COL12A1: variants seen among roughly 807,000 people sequenced by gnomAD.
COL12A1 encodes collagen alpha-1(XII) chain.
A neutral mutation model predicts 349.7 loss-of-function variants in COL12A1; 114 were observed. The observed-to-expected ratio is 0.33, with a 90% CI of 0.28 to 0.38. The LOEUF (loss-of-function observed/expected upper bound fraction) is 0.38. Among genes scored for constraint, COL12A1 ranks in the 10% least tolerant of loss-of-function variants. The probability of loss-of-function intolerance (pLI) is 1.00; values close to 1 mark genes in which losing one functional copy is unlikely to be tolerated. For missense variants in COL12A1, 3,284 were observed against 3,756.9 expected, an observed-to-expected ratio of 0.87 and a Z score of 3.29; for synonymous variants, 1,369 against 1,329.0, an observed-to-expected ratio of 1.03 and a Z score of -0.66.
At chr6:75,175,966 T>C (rs1018667565) in intron 12 of COL12A1, among the ~76,000 whole-genome samples, 2 of 152,020 alleles carry the variant, frequency 1.3e-5, no homozygotes, top group African/African-American at 4.8e-5. Context: ...CCTATGTCAC[T>C]CTCCACTGAG....
chr6:75,184,692 T>C (rs965734071), intron 8 of COL12A1, among the ~76,000 whole-genome samples: 1 of 152,208 alleles, frequency 6.6e-6, no homozygotes, highest in African/African-American at 2.4e-5. Context: ...GAAAAAAAGT[T>C]CAACTATGTT....
At chr6:75,125,322 G>C (rs1309931244) in intron 39 of COL12A1, 49 bp from the exon 40 acceptor site, 1 of 1,508,708 alleles carries the variant, frequency 6.6e-7, no homozygotes, top group African/African-American at 1.4e-5. Context: ...TCAATAGCAT[G>C]AAATTTTGCT....
chr6:75,147,668 G>T lies in COL12A1; in HGVS notation c.4417+7C>A. ...GCAATGAGAAACAATTTTTTAATCT[G>T]ACTCACAGGTTTTTTCTGTCCCCTT... On this transcript the variant is annotated splice_region_variant and intron_variant, in intron 23 of 65. Coordinates refer to ENST00000322507, the MANE Select transcript of COL12A1 (RefSeq NM_004370.6). 6.3e-7 allele frequency: 1 copy of T among 1,587,862 alleles called. No homozygotes were observed. The highest frequency in any genetic ancestry group is 2.3e-5 in the East Asian group (1 of 44,126).
intron 31 of COL12A1, 34 bp downstream of exon 31, chr6:75,137,403 T>A: frequency 6.5e-7 from 1 of 1,529,060 alleles, no homozygotes. Context: ...AATGGTAGAA[T>A]TAATCCAAGT....
intron 27 of COL12A1, among the ~76,000 whole-genome samples, chr6:75,139,784 A>T (rs1172523124): frequency 6.6e-6 from 1 of 152,166 alleles, no homozygotes; most frequent in African/African-American, 2.4e-5. Flanking sequence ...TGGAGACCCA[A>T]ATGACTGCTG....
chr6:75,129,636 T>C (rs1766202319), intron 37 of COL12A1, among the ~76,000 whole-genome samples: 1 of 152,178 alleles, frequency 6.6e-6, no homozygotes, highest in Non-Finnish European at 1.5e-5. Context: ...CCGCAAAATG[T>C]TAAGTTTAAA....
intron 13 of COL12A1, among the ~76,000 whole-genome samples, chr6:75,173,399 G>A (rs1768743987): frequency 6.7e-6 from 1 of 150,186 alleles, no homozygotes; most frequent in African/African-American, 2.4e-5. Flanking sequence ...TTTTTGAGAT[G>A]GAGTTTCATT....
At chr6:75,148,784 T>C (rs1270216863) in intron 21 of COL12A1, among the ~76,000 whole-genome samples, 2 of 152,114 alleles carry the variant, frequency 1.3e-5, no homozygotes, top group Non-Finnish European at 2.9e-5. Context: ...AATTTACAAG[T>C]CACTGAGACT....
chr6:75,102,360 T>C (rs1484279468), intron 56 of COL12A1, among the ~76,000 whole-genome samples: 5 of 152,148 alleles, frequency 3.3e-5, no homozygotes. Context: ...ACTTTACTTA[T>C]AAGAAAATGT....
intron 52 of COL12A1, among the ~76,000 whole-genome samples, chr6:75,108,177 T>C (rs527386095): frequency 2.0e-5 from 3 of 151,936 alleles, no homozygotes; most frequent in Non-Finnish European, 4.4e-5. Flanking sequence ...ATTCCTAGGC[T>C]CTAGCAGTCT....
At chr6:75,093,087 T>C (rs1227870787) in intron 60 of COL12A1, among the ~76,000 whole-genome samples, 1 of 152,214 alleles carries the variant, frequency 6.6e-6, no homozygotes, top group Non-Finnish European at 1.5e-5. Context: ...CCAAAATAGC[T>C]GCCTTCCCAC....
At chr6:75,087,826 C>T in intron 64 of COL12A1, 79 bp from the exon 65 acceptor site, 1 of 1,408,238 alleles carries the variant, frequency 7.1e-7, no homozygotes, top group Non-Finnish European at 9.8e-7. Context: ...CTTTAAGTGG[C>T]ACCTCCACTG....
intron 23 of COL12A1, among the ~76,000 whole-genome samples, chr6:75,147,082 C>T (rs949367444): frequency 6.6e-5 from 10 of 152,144 alleles, no homozygotes; most frequent in African/African-American, 2.2e-4. Context: ...GAACATCTAC[C>T]CCAAAAGCGC....
chr6:75,098,396 G>A (rs1381196460), intron 58 of COL12A1, among the ~76,000 whole-genome samples: 1 of 152,174 alleles, frequency 6.6e-6, no homozygotes, highest in Non-Finnish European at 1.5e-5. Context: ...GCTCATGCCT[G>A]CAATCCCAGC....
intron 51 of COL12A1, among the ~76,000 whole-genome samples, chr6:75,110,865 T>G (rs1031330405): frequency 6.6e-6 from 1 of 151,960 alleles, no homozygotes; most frequent in Admixed American, 6.6e-5. Flanking sequence ...AAAGAGTGCT[T>G]GAATCCTTGG....
chr6:75,161,491 C>T (rs956013065), intron 14 of COL12A1, among the ~76,000 whole-genome samples: 3 of 152,052 alleles, frequency 2.0e-5, no homozygotes, highest in Admixed American at 6.6e-5. Context: ...TAAAAATGAA[C>T]ATTTCATTCC....
intron 34 of COL12A1, 69 bp downstream of exon 34, chr6:75,133,224 C>T: frequency 1.5e-6 from 2 of 1,359,824 alleles, no homozygotes; most frequent in Non-Finnish European, 9.7e-7. Context: ...CTTTAATGGG[C>T]CTTTATGGTC....
At chr6:75,142,917 AG>A (rs1457460163) in intron 26 of COL12A1, among the ~76,000 whole-genome samples, 1 of 152,194 alleles carries the variant, frequency 6.6e-6, no homozygotes, top group African/African-American at 2.4e-5. Flanking sequence ...TTTTATTTTT[AG>A]AAACATGACA....
At chr6:75,098,334 TG>T (rs1768147513) in intron 58 of COL12A1, among the ~76,000 whole-genome samples, 1 of 152,038 alleles carries the variant, frequency 6.6e-6, no homozygotes, top group Non-Finnish European at 1.5e-5. Flanking sequence ...CCACTCCTGG[TG>T]AATTTCTTTC....
Sources: gnomAD v4.1 joint callset for allele counts (sites outside exome capture counted in the v4.1 genomes callset) on GRCh38, gnomAD v4.1.1 for gene constraint, MANE v1.5 for transcripts, NCBI Gene and HGNC (gene_info 2026-07-23, HGNC 2026-07-21) for gene names.